Variants in OR7E24 observed in about 807,000 individuals in gnomAD.
The protein encoded by OR7E24 is olfactory receptor family 7 subfamily E member 24.
For missense variants in OR7E24, 385 were observed against 410.3 expected, an observed-to-expected ratio of 0.94 and a Z score of 0.53; for synonymous variants, 130 against 157.5, an observed-to-expected ratio of 0.83 and a Z score of 1.31.
chr19:9,217,793 C>T, the OR7E24 span, among the ~76,000 whole-genome samples: 6 of 152,130 alleles, frequency 3.9e-5, no homozygotes, highest in African/African-American at 1.4e-4. Flanking sequence ...CCCACCTCGG[C>T]CTCCCAAAAT....
chr19:9,235,590 G>C, the OR7E24 span: 2 of 1,561,416 alleles, frequency 1.3e-6, 1 homozygote, highest in South Asian at 2.2e-5. Flanking sequence ...TGGCATCTTG[G>C]TTCATCATTT....
chr19:9,218,014 G>A, the OR7E24 span, among the ~76,000 whole-genome samples: 1 of 152,290 alleles, frequency 6.6e-6, no homozygotes, highest in East Asian at 1.9e-4. Flanking sequence ...ACTAGAAATA[G>A]AACATCCTAT....
upstream of OR7E24, among the ~76,000 whole-genome samples, chr19:9,249,008 G>A (rs1461903342): frequency 6.6e-6 from 1 of 152,190 alleles, no homozygotes; most frequent in African/African-American, 2.4e-5. Flanking sequence ...AGATCCCACT[G>A]CAGTGAGCAA....
chr19:9,215,755 A>G, the OR7E24 span, among the ~76,000 whole-genome samples: 1 of 152,156 alleles, frequency 6.6e-6, no homozygotes, highest in Admixed American at 6.5e-5. Context: ...TTTTCCTTTT[A>G]TGATAATTAC....
upstream of OR7E24, among the ~76,000 whole-genome samples, chr19:9,246,017 C>T (rs2066128371): frequency 7.0e-6 from 1 of 142,826 alleles, no homozygotes; most frequent in African/African-American, 2.7e-5. Flanking sequence ...TTTTTTTTCG[C>T]TTCGGCGACT....
chr19:9,214,230 G>T, the OR7E24 span: 3 of 1,614,128 alleles, frequency 1.9e-6, no homozygotes, highest in Non-Finnish European at 2.5e-6. Flanking sequence ...CAGCAGTGCC[G>T]TGGCCACATA....
chr19:9,217,738 C>T, the OR7E24 span, among the ~76,000 whole-genome samples: 3 of 152,090 alleles, frequency 2.0e-5, no homozygotes, highest in Non-Finnish European at 4.4e-5. Context: ...AGGGTTTCAC[C>T]TTGTTAGCCA....
At chr19:9,225,578 A>T in the OR7E24 span, among the ~76,000 whole-genome samples, 307 of 152,242 alleles carry the variant, frequency 2.0e-3, 2 homozygotes, top group African/African-American at 7.2e-3. Context: ...GGACCTTGAG[A>T]TGACAGGCAG....
In OR7E24 at chr19:9,252,539, C is replaced by T. The variant is rs894530462; in HGVS notation, c.*476C>T. The T allele has an allele frequency of 1.3e-5, 2 of 155,938 alleles. No individual in the cohort carries two copies. Among genetic ancestry groups the T allele is most frequent in the South Asian group, 2.0e-4 (1 of 5,108 alleles). 9.7% of individuals were successfully genotyped at this position (155,938 alleles called of 1,614,324 possible). A position where few individuals can be genotyped will look rare whatever the true frequency, so the allele number is the denominator to read the frequency against. On this transcript the variant is annotated 3_prime_UTR_variant, in exon 1 of 1. Coordinates refer to ENST00000456448, the MANE Select transcript of OR7E24 (RefSeq NM_001079935.2). Reference sequence around the variant, plus strand: ...TGGAGGATGTTAAGTGAGGACTTATCGTACTTCGTATTTACCTCCCTTTCT... The same window carrying T: ...TGGAGGATGTTAAGTGAGGACTTATTGTACTTCGTATTTACCTCCCTTTCT...
At chr19:9,244,454 A>G (rs1037109722), upstream of OR7E24, among the ~76,000 whole-genome samples, 22 of 152,266 alleles carry the variant, frequency 1.4e-4, 1 homozygote, top group African/African-American at 5.3e-4. Flanking sequence ...TGGGAAAAAG[A>G]CAGCCTTTTC....
chr19:9,239,416 T>C, the OR7E24 span, among the ~76,000 whole-genome samples: 3 of 152,062 alleles, frequency 2.0e-5, no homozygotes, highest in Non-Finnish European at 4.4e-5. Context: ...CCGTGATCCA[T>C]CCACCTTGGC....
chr19:9,235,311 C>T, the OR7E24 span: 5 of 1,257,392 alleles, frequency 4.0e-6, no homozygotes, highest in South Asian at 2.4e-5. Context: ...CCCACCTCCA[C>T]AGCCCCATGT....
At chr19:9,250,267 T>C (rs1388990252), upstream of OR7E24, among the ~76,000 whole-genome samples, 1 of 152,040 alleles carries the variant, frequency 6.6e-6, no homozygotes. Context: ...TCTAATTTTT[T>C]AGTTTTTTGT....
chr19:9,235,230 G>A, the OR7E24 span: 27 of 1,519,926 alleles, frequency 1.8e-5, no homozygotes, highest in African/African-American at 3.0e-4. Flanking sequence ...TCCTCTTTGG[G>A]CTGTTCCTGT....
chr19:9,240,794 A>G, the OR7E24 span, among the ~76,000 whole-genome samples: 1 of 152,096 alleles, frequency 6.6e-6, no homozygotes, highest in Non-Finnish European at 1.5e-5. Context: ...TTTTAGCTAC[A>G]TTATATTTAA....
At chr19:9,235,837 G>A in the OR7E24 span, 10,386 of 1,610,758 alleles carry the variant, frequency 6.4e-3, 321 homozygotes, top group Admixed American at 0.085. Flanking sequence ...GTCCTCCACC[G>A]AGGGCAAGTA....
chr19:9,217,376 A>T, the OR7E24 span, among the ~76,000 whole-genome samples: 2 of 152,254 alleles, frequency 1.3e-5, no homozygotes, highest in African/African-American at 4.8e-5. Context: ...TGCATTTTTC[A>T]TGATGGAAAA....
At chr19:9,229,978 C>A in the OR7E24 span, among the ~76,000 whole-genome samples, 1 of 151,768 alleles carries the variant, frequency 6.6e-6, no homozygotes, top group East Asian at 1.9e-4. Context: ...GGGTACTGGG[C>A]TGTACCTTTA....
At chr19:9,238,901 C>T in the OR7E24 span, among the ~76,000 whole-genome samples, 1 of 152,096 alleles carries the variant, frequency 6.6e-6, no homozygotes, top group Non-Finnish European at 1.5e-5. Context: ...AGATAGAATA[C>T]ATTTCTTTAT....
Sources: gnomAD v4.1 joint callset for allele counts (sites outside exome capture counted in the v4.1 genomes callset) on GRCh38, gnomAD v4.1.1 for gene constraint, MANE v1.5 for transcripts, NCBI Gene and HGNC (gene_info 2026-07-23, HGNC 2026-07-21) for gene names.